Variants in SOX6 observed in about 807,000 individuals in gnomAD.
SOX6 encodes transcription factor SOX-6.
In SOX6, 11 loss-of-function variants were observed where a neutral mutation model predicts 97.8. That is an observed-to-expected ratio of 0.11 (90% CI 0.07 to 0.19). SOX6 has a LOEUF of 0.19. SOX6 is among the 10% of genes least tolerant of loss of function. SOX6 has a pLI of 1.00. For missense variants in SOX6, 810 were observed against 1,039.5 expected, an observed-to-expected ratio of 0.78 and a Z score of 3.04; for synonymous variants, 360 against 371.4, an observed-to-expected ratio of 0.97 and a Z score of 0.35.
At chr11:16,689,587 T>A (rs1421595259) in intron 3 of SOX6, among the ~76,000 whole-genome samples, 1 of 152,212 alleles carries the variant, frequency 6.6e-6, no homozygotes, top group Non-Finnish European at 1.5e-5. Context: ...ACTAATGTCT[T>A]GATTTTAGTA....
At chr11:16,151,978 A>G (rs1413641881) in intron 6 of SOX6, among the ~76,000 whole-genome samples, 3 of 152,198 alleles carry the variant, frequency 2.0e-5, no homozygotes, top group African/African-American at 4.8e-5. Flanking sequence ...CAGCCTTGAA[A>G]TACTTTGGGT....
intron 4 of SOX6, among the ~76,000 whole-genome samples, chr11:16,604,550 ACGTCATCCGAG>A (rs1407169990): frequency 6.6e-6 from 1 of 152,066 alleles, no homozygotes; most frequent in Non-Finnish European, 1.5e-5. Context: ...CGGGACGCGG[ACGTCATCCGAG>A]CGCCCATTGA....
intron 1 of SOX6, among the ~76,000 whole-genome samples, chr11:16,430,436 A>G (rs1859251899): frequency 6.6e-6 from 1 of 152,116 alleles, no homozygotes; most frequent in Non-Finnish European, 1.5e-5. Flanking sequence ...TGTCTCCCCA[A>G]AATTCATATG....
intron 4 of SOX6, among the ~76,000 whole-genome samples, chr11:16,520,220 T>C (rs1307694077): frequency 6.6e-6 from 1 of 152,200 alleles, no homozygotes; most frequent in Non-Finnish European, 1.5e-5. Context: ...CACTTGTCAG[T>C]TTTTGTTTTT....
chr11:16,435,745 T>C (rs1253484285), intron 1 of SOX6, among the ~76,000 whole-genome samples: 2 of 152,136 alleles, frequency 1.3e-5, no homozygotes, highest in African/African-American at 4.8e-5. Context: ...GCAAAACTAT[T>C]TCAAATTGGG....
At chr11:16,529,445 G>A (rs150299081) in intron 4 of SOX6, among the ~76,000 whole-genome samples, 94 of 152,102 alleles carry the variant, frequency 6.2e-4, no homozygotes, top group Non-Finnish European at 9.6e-4. Flanking sequence ...ACACACAATG[G>A]AGAGAAAAAG....
At chr11:16,148,291 T>C (rs889590139) in intron 6 of SOX6, among the ~76,000 whole-genome samples, 1 of 152,284 alleles carries the variant, frequency 6.6e-6, no homozygotes, top group Middle Eastern at 3.4e-3. Flanking sequence ...CTCTTCTTCC[T>C]GTATTTTCCA....
intron 3 of SOX6, among the ~76,000 whole-genome samples, chr11:16,306,997 A>G (rs1855461700): frequency 6.6e-6 from 1 of 152,142 alleles, no homozygotes; most frequent in South Asian, 2.1e-4. Context: ...CCAAATTCTA[A>G]TTATGTGCAG....
At chr11:16,123,432 A>G (rs1849539929) in intron 6 of SOX6, among the ~76,000 whole-genome samples, 1 of 152,018 alleles carries the variant, frequency 6.6e-6, no homozygotes, top group South Asian at 2.1e-4. Flanking sequence ...CCTTGGAAGT[A>G]TCAGTGAGAG....
At chr11:15,976,682 A>G (rs1853495975) in intron 15 of SOX6, among the ~76,000 whole-genome samples, 1 of 152,214 alleles carries the variant, frequency 6.6e-6, no homozygotes, top group Non-Finnish European at 1.5e-5. Flanking sequence ...GCAGAACTGT[A>G]GAGAAGGGCA....
chr11:16,145,393 A>C (rs1010232272), intron 6 of SOX6, among the ~76,000 whole-genome samples: 35 of 152,228 alleles, frequency 2.3e-4, no homozygotes, highest in East Asian at 9.7e-4. Context: ...CAGCCAATAT[A>C]ATACTGAATG....
intron 3 of SOX6, among the ~76,000 whole-genome samples, chr11:16,305,388 T>C (rs1855396752): frequency 6.6e-6 from 1 of 152,164 alleles, no homozygotes; most frequent in Admixed American, 6.5e-5. Flanking sequence ...TAAGAACAGT[T>C]AAAACAAAAG....
At chr11:16,692,884 T>G (rs769551820) in intron 3 of SOX6, among the ~76,000 whole-genome samples, 1 of 152,204 alleles carries the variant, frequency 6.6e-6, no homozygotes, top group South Asian at 2.1e-4. Context: ...CATCATATCA[T>G]AAGCCACAAT....
chr11:16,253,012 C>T (rs576421955), intron 3 of SOX6, among the ~76,000 whole-genome samples: 77 of 151,990 alleles, frequency 5.1e-4, no homozygotes, highest in Non-Finnish European at 9.6e-4. Context: ...TGCCTTTCAA[C>T]AAAAAATTAT....
chr11:16,457,691 A>G (rs1342800152), intron 1 of SOX6, among the ~76,000 whole-genome samples: 2 of 151,994 alleles, frequency 1.3e-5, no homozygotes, highest in African/African-American at 4.8e-5. Context: ...GTTTGCATTT[A>G]TGCTATTTTC....
chr11:16,056,481 T>A lies in SOX6; in HGVS notation c.1102-580A>T, dbSNP rs1036764757. Among the ~76,000 whole-genome samples, 6 of 152,288 alleles carry A rather than the reference T, an allele frequency of 3.9e-5. No individual in the cohort carries two copies. The East Asian group carries it at 1.2e-3, about 29-fold the overall frequency. On this transcript the variant is annotated intron_variant, in intron 9 of 15. Coordinates refer to ENST00000683767, the MANE Select transcript of SOX6 (RefSeq NM_001367873.1). The stretch of plus-strand genomic sequence containing the variant: ...TATTTCTAGGCAGCGTATAACATAA[T>A]CCTCAAGAGAATATGGCCAGATTGG...
intron 4 of SOX6, among the ~76,000 whole-genome samples, chr11:16,212,125 C>T (rs1406030268): frequency 6.6e-6 from 1 of 152,194 alleles, no homozygotes; most frequent in African/African-American, 2.4e-5. Context: ...AACAGATACA[C>T]TGTAAACAGA....
rs1849843394 is a variant in SOX6, at chr11:16,132,505, A to AAGCAAGCAAGCAAGC, written c.778-20583_778-20582insGCTTGCTTGCTTGCT. ...GAAAGAAAGAAAGAAAGAAAGAAAG[A>AAGCAAGCAAGCAAGC]AAGCTTATCTTTGTATCTAGGAAGA... On this transcript the variant is annotated intron_variant, in intron 6 of 15. Coordinates refer to ENST00000683767, the MANE Select transcript of SOX6 (RefSeq NM_001367873.1). 2.3e-3 allele frequency among the ~76,000 whole-genome samples: 201 copies of AAGCAAGCAAGCAAGC among 86,188 alleles called. 18 individuals are homozygous for AAGCAAGCAAGCAAGC. The highest frequency in any genetic ancestry group is 3.3e-3 in the Non-Finnish European group (126 of 38,472). 56.5% of individuals were successfully genotyped at this position (86,188 alleles called of 152,430 possible).
chr11:16,544,345 A>G (rs935942243), intron 4 of SOX6, among the ~76,000 whole-genome samples: 1 of 152,114 alleles, frequency 6.6e-6, no homozygotes, highest in African/African-American at 2.4e-5. Context: ...GTACAGCCTC[A>G]GTCTCCTGGG....
Sources: allele counts gnomAD v4.1 joint callset (sites outside exome capture counted in the v4.1 genomes callset), GRCh38; gene constraint gnomAD v4.1.1; transcripts MANE v1.5; gene names NCBI Gene and HGNC (gene_info 2026-07-23, HGNC 2026-07-21).